Variants in SLC35E3 observed in about 807,000 individuals in gnomAD.
SLC35E3 encodes the protein bladder cancer-overexpressed gene 1 protein.
In SLC35E3, 28 loss-of-function variants were observed where a neutral mutation model predicts 30.8. The ratio of observed to expected loss-of-function variants is 0.91; its 90% CI spans 0.67 to 1.25. The LOEUF (loss-of-function observed/expected upper bound fraction) is 1.25. Ranked by LOEUF, SLC35E3 falls within the 50% of genes most tolerant of loss-of-function variation. SLC35E3 has a pLI of 0.00. For synonymous variants in SLC35E3, 146 were observed against 149.2 expected (o/e 0.98, Z 0.16); for missense variants, 365 against 375.4 (o/e 0.97, Z 0.23).
intron 4 of SLC35E3, among the ~76,000 whole-genome samples, chr12:68,764,489 A>G (rs565969019): frequency 2.0e-5 from 3 of 152,230 alleles, no homozygotes; most frequent in South Asian, 2.1e-4. Context: ...AGGTTTCACC[A>G]TGATGGCCAG....
chr12:68,772,578 C>T lies in SLC35E3; in HGVS notation c.*7688C>T, dbSNP rs1879631308. ...TTAGGGGAATGTTTTTGTTATGCTG[C>T]TTTTAATTTGGAAAGCAGCATATCA... is the stretch of plus-strand genomic sequence containing the variant. On this transcript the variant is annotated 3_prime_UTR_variant, in exon 5 of 5. Coordinates refer to ENST00000398004, the MANE Select transcript of SLC35E3 (RefSeq NM_018656.5). The T allele has an allele frequency of 6.6e-6, 1 of 152,036 alleles. No individual in the cohort carries two copies. Among genetic ancestry groups the T allele is most frequent in the South Asian group, 2.1e-4 (1 of 4,824 alleles). The allele number at this position is 152,036 out of a possible 1,614,324, so 9.4% of individuals were successfully genotyped here.
intron 4 of SLC35E3, among the ~76,000 whole-genome samples, chr12:68,761,386 A>G (rs981139412): frequency 3.3e-5 from 5 of 152,210 alleles, no homozygotes; most frequent in African/African-American, 1.2e-4. Context: ...TGTCTCTACA[A>G]AAAGTTTTTT....
chr12:68,749,711 G>T (rs1247084154), intron 2 of SLC35E3, among the ~76,000 whole-genome samples: 1 of 152,190 alleles, frequency 6.6e-6, no homozygotes, highest in African/African-American at 2.4e-5. Flanking sequence ...ACAGAAATGA[G>T]CTCAGCAGGG....
At chr12:68,762,312 CAG>C (rs1488326913) in intron 4 of SLC35E3, among the ~76,000 whole-genome samples, 3 of 152,106 alleles carry the variant, frequency 2.0e-5, no homozygotes, top group African/African-American at 7.2e-5. Context: ...ATTTGGAATT[CAG>C]AGAGATGAGA....
intron 3 of SLC35E3, among the ~76,000 whole-genome samples, chr12:68,755,340 ACAGT>A (rs1374444154): frequency 2.0e-5 from 3 of 152,186 alleles, no homozygotes; most frequent in Non-Finnish European, 2.9e-5. Flanking sequence ...CTCTTGGAAC[ACAGT>A]CAGTGGGAAT....
chr12:68,747,139 G>T (rs1465399360), intron 1 of SLC35E3, among the ~76,000 whole-genome samples: 1 of 152,210 alleles, frequency 6.6e-6, no homozygotes, highest in East Asian at 1.9e-4. Context: ...ATGATAAAAC[G>T]TGAAAAGATG....
At position 68,746,370 on chromosome 12, in the gene SLC35E3, CG is replaced by C. The variant is rs1565709541; in HGVS notation, c.-4del. The C allele has an allele frequency of 5.1e-6, 8 of 1,558,978 alleles. No individual in the cohort carries two copies. Among genetic ancestry groups the C allele is most frequent in the Non-Finnish European group, 7.0e-6 (8 of 1,150,880 alleles). ...CCGAGGCTAGACGGCCCCAGCTTCG[CG>C]GGGATCATGGCATTGCTGGTGGACC... On this transcript the variant is annotated 5_prime_UTR_variant, in exon 1 of 5. Transcript: ENST00000398004.
intron 2 of SLC35E3, among the ~76,000 whole-genome samples, chr12:68,749,475 C>T (rs1489867048): frequency 1.3e-5 from 2 of 152,196 alleles, no homozygotes; most frequent in Non-Finnish European, 2.9e-5. Context: ...TTCATTCGTT[C>T]AGCAGACATC....
chr12:68,754,149 C>A (rs1208006591), intron 3 of SLC35E3, among the ~76,000 whole-genome samples: 2 of 151,532 alleles, frequency 1.3e-5, no homozygotes, highest in Non-Finnish European at 2.9e-5. Context: ...CCGGCCACAT[C>A]TGTTTCTTTG....
intron 1 of SLC35E3, 60 bp from the exon 2 acceptor site, chr12:68,747,870 A>C (rs1878652203): frequency 7.4e-6 from 6 of 809,822 alleles, no homozygotes; most frequent in South Asian, 4.5e-5. Context: ...TGTGAAAGGA[A>C]TACTAAATTT....
At chr12:68,760,445 A>G (rs1012131799) in intron 4 of SLC35E3, among the ~76,000 whole-genome samples, 2 of 152,244 alleles carry the variant, frequency 1.3e-5, no homozygotes, top group African/African-American at 4.8e-5. Context: ...TTTTGTATGT[A>G]TTAGTCCATT....
Position 68,774,996 on chromosome 12 carries a change from A to G in SLC35E3, c.*10106A>G, listed in dbSNP as rs1336729129. On this transcript the variant is annotated 3_prime_UTR_variant, in exon 5 of 5. Coordinates refer to ENST00000398004, the MANE Select transcript of SLC35E3 (RefSeq NM_018656.5). ...TGTTCTAGATGAAAAGTAAACCCCT[A>G]TTTGGCTTACTCACTTAAAAAAATA... The G allele has an allele frequency of 6.6e-6, 1 of 151,628 alleles. No individual in the cohort carries two copies. The allele number at this position is 151,628 out of a possible 1,614,324, so 9.4% of individuals were successfully genotyped here.
At chr12:68,756,303 A>T (rs1295787484) in intron 3 of SLC35E3, among the ~76,000 whole-genome samples, 2 of 76,242 alleles carry the variant, frequency 2.6e-5, no homozygotes, top group Non-Finnish European at 3.0e-5. Context: ...AAAGCCATTA[A>T]AAAAAAAAAA....
At chr12:68,750,083 G>A (rs748898342) in intron 2 of SLC35E3, among the ~76,000 whole-genome samples, 37 of 152,058 alleles carry the variant, frequency 2.4e-4, no homozygotes, top group Non-Finnish European at 5.0e-4. Context: ...GGAATGGACA[G>A]GGAAAGGTTA....
In SLC35E3 at chr12:68,759,107, G is replaced by T. The variant is rs368359461; in HGVS notation, c.673-50G>T. ...CGAATGAAATGTATCTTTGCTTGAT[G>T]ATTATGATTGCAGTGCTTTGCATTA... On this transcript the variant is annotated intron_variant, in intron 3 of 4. Transcript: ENST00000398004. 2.5e-6 allele frequency: 3 copies of T among 1,197,556 alleles called. No homozygotes were observed. In the East Asian group the frequency reaches 7.0e-5, roughly 28 times the overall value. The allele number at this position is 1,197,556 out of a possible 1,614,324, so 74.2% of individuals were successfully genotyped here. A position where few individuals can be genotyped will look rare whatever the true frequency, so the allele number is the denominator to read the frequency against.
chr12:68,760,476 T>G (rs1276656600), intron 4 of SLC35E3, among the ~76,000 whole-genome samples: 1 of 152,180 alleles, frequency 6.6e-6, no homozygotes, highest in African/African-American at 2.4e-5. Flanking sequence ...AGCAGCTCTG[T>G]GAGGTAAAGT....
At position 68,766,111 on chromosome 12, in the gene SLC35E3, G is replaced by T. The variant is rs1349672677; in HGVS notation, c.*1221G>T. On this transcript the variant is annotated 3_prime_UTR_variant, in exon 5 of 5. Transcript: ENST00000398004. Reference sequence around the variant, plus strand: ...GATTTTTTTCTAGTAGAAAATTGATGTAAGAAATCATACATTATTCATACA... The same window carrying T: ...GATTTTTTTCTAGTAGAAAATTGATTTAAGAAATCATACATTATTCATACA... The T allele has an allele frequency of 1.3e-5, 2 of 151,876 alleles. No homozygotes were observed. The highest frequency in any genetic ancestry group is 2.4e-5 in the African/African-American group (1 of 41,336). The allele number at this position is 151,876 out of a possible 1,614,324, so 9.4% of individuals were successfully genotyped here. A position where few individuals can be genotyped will look rare whatever the true frequency, so the allele number is the denominator to read the frequency against.
intron 3 of SLC35E3, among the ~76,000 whole-genome samples, chr12:68,758,162 C>T (rs895450865): frequency 2.0e-4 from 30 of 151,554 alleles, no homozygotes; most frequent in African/African-American, 7.3e-4. Flanking sequence ...TGGCTCACGC[C>T]TGTAATCCCA....
In SLC35E3 at chr12:68,779,796, G is replaced by C. The variant is rs1236101617; in HGVS notation, c.*14906G>C. 6.6e-6 allele frequency: 1 copy of C among 152,028 alleles called. No individual in the cohort carries two copies. The highest frequency in any genetic ancestry group is 6.6e-5 in the Admixed American group (1 of 15,224). 9.4% of individuals were successfully genotyped at this position (152,028 alleles called of 1,614,324 possible). ...ATAAAAAATTTTATAAAATTAGCCG[G>C]GCATGGTGGTAGACACCTGTAGTCC... On this transcript the variant is annotated 3_prime_UTR_variant, in exon 5 of 5. Transcript: ENST00000398004.
Sources: allele counts gnomAD v4.1 joint callset (sites outside exome capture counted in the v4.1 genomes callset), GRCh38; gene constraint gnomAD v4.1.1; transcripts MANE v1.5; gene names NCBI Gene and HGNC (gene_info 2026-07-23, HGNC 2026-07-21).